The following STAU2 variants were observed in gnomAD, a reference collection of about 807,000 sequenced individuals.
The protein encoded by STAU2 is double-stranded RNA-binding protein Staufen homolog 2.
In STAU2, 20 loss-of-function variants were observed where a neutral mutation model predicts 65.9. That is an observed-to-expected ratio of 0.30 (90% CI 0.21 to 0.44). The LOEUF is 0.44. STAU2 is among the 20% of genes least tolerant of loss of function. The probability of loss-of-function intolerance (pLI) is 1.00; values close to 1 mark genes in which losing one functional copy is unlikely to be tolerated. For missense variants in STAU2, 558 were observed against 683.9 expected (o/e 0.82, Z 2.05); for synonymous variants, 232 against 233.9 (o/e 0.99, Z 0.07).
chr8:73,593,499 G>A (rs1810968822), intron 11 of STAU2, among the ~76,000 whole-genome samples: 2 of 152,172 alleles, frequency 1.3e-5, no homozygotes, highest in African/African-American at 2.4e-5. Context: ...TTAAGTGTCT[G>A]GCATTTAGTG....
chr8:73,687,337 T>TTATATTTATAATTTATATA (rs1563506801), intron 5 of STAU2, among the ~76,000 whole-genome samples: 5 of 100,904 alleles, frequency 5.0e-5, no homozygotes, highest in Non-Finnish European at 9.1e-5. Flanking sequence ...ATAAATATAA[T>TTATATTTATAATTTATATA]TTATATTTAT....
intron 5 of STAU2, among the ~76,000 whole-genome samples, chr8:73,685,483 T>G (rs1415653541): frequency 2.0e-5 from 3 of 151,624 alleles, no homozygotes; most frequent in Non-Finnish European, 2.9e-5. Flanking sequence ...TTCACACCAT[T>G]CTCCTGCCTC....
At chr8:73,464,123 T>G (rs1314698696) in intron 13 of STAU2, among the ~76,000 whole-genome samples, 1 of 152,210 alleles carries the variant, frequency 6.6e-6, no homozygotes, top group African/African-American at 2.4e-5. Flanking sequence ...TCCGGGATAT[T>G]GCCTGAAGTA....
intron 13 of STAU2, among the ~76,000 whole-genome samples, chr8:73,428,156 C>T (rs1489466362): frequency 6.6e-6 from 1 of 152,206 alleles, no homozygotes; most frequent in Non-Finnish European, 1.5e-5. Flanking sequence ...TCTGTACCCA[C>T]CACTGTACTC....
chr8:73,735,108 T>C (rs1351785300), intron 3 of STAU2, among the ~76,000 whole-genome samples: 1 of 152,122 alleles, frequency 6.6e-6, no homozygotes, highest in Non-Finnish European at 1.5e-5. Flanking sequence ...TTTTTTTATT[T>C]TTTGTAGAGA....
chr8:73,532,266 C>T (rs901518764), intron 13 of STAU2, among the ~76,000 whole-genome samples: 25 of 152,110 alleles, frequency 1.6e-4, no homozygotes, highest in Non-Finnish European at 7.4e-5. Flanking sequence ...TATTTTACCC[C>T]AATATATATT....
chr8:73,687,461 A>G (rs1469391688), intron 5 of STAU2, among the ~76,000 whole-genome samples: 2 of 135,576 alleles, frequency 1.5e-5, no homozygotes, highest in Non-Finnish European at 3.1e-5. Flanking sequence ...TATAATATAT[A>G]AAATAAAATA....
intron 11 of STAU2, among the ~76,000 whole-genome samples, chr8:73,587,673 A>C (rs1018769956): frequency 6.6e-6 from 1 of 152,174 alleles, no homozygotes; most frequent in African/African-American, 2.4e-5. Context: ...AGTACATTTA[A>C]TTTTTTTACT....
At chr8:73,653,840 C>A in intron 6 of STAU2, 5 of 424,988 alleles carry the variant, frequency 1.2e-5, no homozygotes, top group Non-Finnish European at 2.3e-5. Context: ...CAAAATTTGT[C>A]TTCAAATCCC....
chr8:73,680,398 A>C (rs1278478115), intron 5 of STAU2, among the ~76,000 whole-genome samples: 1 of 152,130 alleles, frequency 6.6e-6, no homozygotes, highest in Admixed American at 6.5e-5. Flanking sequence ...GCTCTCAGGA[A>C]GCCCCATTCA....
intron 13 of STAU2, among the ~76,000 whole-genome samples, chr8:73,429,650 T>A (rs1817116193): frequency 1.3e-5 from 2 of 151,814 alleles, no homozygotes; most frequent in Admixed American, 1.3e-4. Flanking sequence ...GTCACCAGGC[T>A]GGTCTCAAAC....
intron 13 of STAU2, chr8:73,439,205 C>G (rs1020831974): frequency 1.4e-5 from 5 of 360,114 alleles, no homozygotes; most frequent in African/African-American, 1.1e-4. Context: ...AAGACATGTG[C>G]ACAGCTGGCA....
intron 13 of STAU2, among the ~76,000 whole-genome samples, chr8:73,450,177 G>A (rs1316761679): frequency 6.6e-6 from 1 of 152,180 alleles, no homozygotes; most frequent in East Asian, 1.9e-4. Context: ...CACAATATTA[G>A]AAATATTGGA....
At chr8:73,576,031 C>T (rs562633420) in intron 12 of STAU2, among the ~76,000 whole-genome samples, 8 of 152,058 alleles carry the variant, frequency 5.3e-5, no homozygotes, top group South Asian at 2.1e-4. Context: ...AGGTAAAAAA[C>T]GATAAAAGAT....
At chr8:73,679,013 T>C (rs1031822598) in intron 5 of STAU2, among the ~76,000 whole-genome samples, 1 of 152,186 alleles carries the variant, frequency 6.6e-6, no homozygotes, top group African/African-American at 2.4e-5. Flanking sequence ...AGAGTTATTG[T>C]TGACAGGCAC....
At chr8:73,536,762 G>C (rs1311842506) in intron 13 of STAU2, among the ~76,000 whole-genome samples, 1 of 152,122 alleles carries the variant, frequency 6.6e-6, no homozygotes, top group Non-Finnish European at 1.5e-5. Context: ...TGTCAACAGA[G>C]GCTAGGTGGA....
At chr8:73,611,727 G>T (rs1812479764) in intron 9 of STAU2, among the ~76,000 whole-genome samples, 1 of 151,274 alleles carries the variant, frequency 6.6e-6, no homozygotes, top group African/African-American at 2.4e-5. Flanking sequence ...ACCAAGGCTG[G>T]AGTGCAGTGG....
At chr8:73,549,558 A>C (rs1423696325) in intron 13 of STAU2, 1 of 862,768 alleles carries the variant, frequency 1.2e-6, no homozygotes. Context: ...ATAAATTCAA[A>C]TTAAAGACTG....
At chr8:73,663,820 C>T (rs1817027921) in intron 6 of STAU2, among the ~76,000 whole-genome samples, 2 of 152,048 alleles carry the variant, frequency 1.3e-5, no homozygotes, top group African/African-American at 2.4e-5. Flanking sequence ...CTATTTAATT[C>T]CCCAACTGCT....
Sources: allele counts gnomAD v4.1 joint callset (sites outside exome capture counted in the v4.1 genomes callset), GRCh38; gene constraint gnomAD v4.1.1; transcripts MANE v1.5; gene names NCBI Gene and HGNC (gene_info 2026-07-23, HGNC 2026-07-21).